Variants in ZC3H13 observed in about 807,000 individuals in gnomAD.
ZC3H13 encodes the protein zinc finger CCCH domain-containing protein 13.
Under a neutral mutation model 204.1 loss-of-function variants are expected in ZC3H13, and 64 were observed. The ratio of observed to expected loss-of-function variants is 0.31; its 90% CI spans 0.26 to 0.39. The LOEUF is 0.39. Among genes scored for constraint, ZC3H13 ranks in the 10% least tolerant of loss-of-function variants. The pLI is 1.00. For synonymous variants in ZC3H13, 667 were observed against 693.7 expected (o/e 0.96, Z 0.60); for missense variants, 1,833 against 2,082.7 (o/e 0.88, Z 2.33).
intron 3 of ZC3H13, 41 bp from the exon 4 acceptor site, chr13:46,042,316 AAAC>A: frequency 7.2e-7 from 1 of 1,390,882 alleles, no homozygotes; most frequent in Non-Finnish European, 1.0e-6. Context: ...AAACGAAACA[AAAC>A]AACAAAAATC....
At chr13:46,049,160 A>G (rs939941973) in intron 1 of ZC3H13, among the ~76,000 whole-genome samples, 1 of 151,972 alleles carries the variant, frequency 6.6e-6, no homozygotes, top group African/African-American at 2.4e-5. Flanking sequence ...CAAAAAAAAA[A>G]AAAAAAAAGA....
chr13:46,026,304 C>T (rs2042541256), intron 4 of ZC3H13, among the ~76,000 whole-genome samples: 1 of 151,976 alleles, frequency 6.6e-6, no homozygotes. Flanking sequence ...ACTTCTGTAT[C>T]TATGTACCTA....
intron 4 of ZC3H13, among the ~76,000 whole-genome samples, chr13:46,039,978 A>C (rs1284346708): frequency 6.6e-6 from 1 of 152,096 alleles, no homozygotes; most frequent in Non-Finnish European, 1.5e-5. Flanking sequence ...CCGCTGAGGC[A>C]TCTGTTATTC....
chr13:46,002,923 C>T (rs1166603100), intron 8 of ZC3H13, among the ~76,000 whole-genome samples: 1 of 151,674 alleles, frequency 6.6e-6, no homozygotes. Flanking sequence ...TTTTTTACCA[C>T]AATAAAAAAT....
At chr13:45,998,643 C>T (rs879047399) in intron 8 of ZC3H13, among the ~76,000 whole-genome samples, 1 of 149,814 alleles carries the variant, frequency 6.7e-6, no homozygotes, top group South Asian at 2.1e-4. Flanking sequence ...AGCGAAACTC[C>T]GTCTCAAAAA....
rs1379425145 is a variant in ZC3H13, at chr13:45,955,684, T to C, written c.*1443A>G. On this transcript the variant is annotated 3_prime_UTR_variant, in exon 19 of 19. Coordinates refer to ENST00000679008, the MANE Select transcript of ZC3H13 (RefSeq NM_001330564.2). The stretch of plus-strand genomic sequence containing the variant: ...TCTGAGGTCATACATTTTTTTTTTC[T>C]TTATTCAAAACACTTAGTAAAGGAA... 2 of 152,222 alleles carry C rather than the reference T, an allele frequency of 1.3e-5. No homozygotes were observed. Among genetic ancestry groups the C allele is most frequent in the East Asian group, 3.9e-4 (2 of 5,188 alleles). 9.4% of individuals were successfully genotyped at this position (152,222 alleles called of 1,614,324 possible). A position where few individuals can be genotyped will look rare whatever the true frequency, so the allele number is the denominator to read the frequency against.
At position 45,967,815 on chromosome 13, in the gene ZC3H13, C is replaced by T. The variant is rs765629152; in HGVS notation, c.4010G>A (p.Arg1337Gln). ...TCGTTCTCGTTCTCGCAATCTATCT[C>T]GATCCCTGTTGCGTGGCCAATCTTT... The part of the protein sequence containing the change: ...ADKDWPRNRD[R>Q]DRLRERERER... The change falls in exon 15 of 19, where the codon CGA (arginine) becomes CAA (glutamine). Residue 1337 changes from arginine (R) to glutamine (Q), a missense_variant. By Grantham distance (43) the Arg-to-Gln change is conservative. Transcript: ENST00000679008. The T allele has an allele frequency of 1.3e-5, 21 of 1,613,260 alleles. No individual in the cohort carries two copies. In the Admixed American group the frequency reaches 1.5e-4, roughly 12 times the overall value.
chr13:45,973,564 C>T (rs1952765503), intron 12 of ZC3H13, among the ~76,000 whole-genome samples: 1 of 152,122 alleles, frequency 6.6e-6, no homozygotes, highest in Non-Finnish European at 1.5e-5. Flanking sequence ...GTTGTGCATC[C>T]TTCATGTGAA....
At chr13:46,030,246 C>G (rs558118112) in intron 4 of ZC3H13, among the ~76,000 whole-genome samples, 138 of 152,288 alleles carry the variant, frequency 9.1e-4, no homozygotes, top group African/African-American at 3.3e-3. Flanking sequence ...TAAAGATCAT[C>G]TACAAAAAAC....
chr13:45,978,013 C>A (rs1953208093), intron 11 of ZC3H13, among the ~76,000 whole-genome samples: 1 of 152,062 alleles, frequency 6.6e-6, no homozygotes, highest in Non-Finnish European at 1.5e-5. Context: ...TACTCCAAAG[C>A]ACATGTTTCT....
In ZC3H13 at chr13:45,975,619, C is replaced by T. The variant is rs769982957; in HGVS notation, c.2132G>A (p.Arg711His). The change falls in exon 12 of 19, where the codon CGT (arginine) becomes CAT (histidine). Residue 711 changes from arginine (R) to histidine (H), a missense_variant. Physicochemically the swap from Arg to His is conservative, Grantham distance 29 (BLOSUM62 0). Around this residue, in one of 5 missense-constraint regions of ZC3H13, gnomAD observed 1,574 missense variants for 1,757.2 expected, o/e 0.90. Coordinates refer to ENST00000679008, the MANE Select transcript of ZC3H13 (RefSeq NM_001330564.2). The stretch of plus-strand genomic sequence containing the variant: ...TCTTTCTCTCTCCCGTTCCCTAGCA[C>T]GCTCTCTTTCTAGTTCTCTCTCTTT... Reference protein sequence around the residue: ...REKERELERERAREREREREK... With the variant: ...REKERELEREHAREREREREK... 32 of 1,574,672 alleles carry T rather than the reference C, an allele frequency of 2.0e-5. No individual in the cohort carries two copies. Among genetic ancestry groups the T allele is most frequent in the African/African-American group, 1.2e-4 (9 of 73,588 alleles).
intron 8 of ZC3H13, among the ~76,000 whole-genome samples, chr13:45,998,854 A>G (rs1158030185): frequency 6.6e-6 from 1 of 152,112 alleles, no homozygotes. Context: ...ACAATGATGA[A>G]GTTTGTCACA....
At position 45,969,204 on chromosome 13, in the gene ZC3H13, T is replaced by C. The variant is rs763071734; in HGVS notation, c.3340A>G (p.Thr1114Ala). Residue 1114 changes from threonine (T) to alanine (A), a missense_variant, in exon 14 of 19, where the codon ACT becomes GCT. Thr to Ala is a moderately conservative substitution (Grantham distance 58). This residue lies in a region of ZC3H13 where 1,574 missense variants were observed against 1,757.2 expected (regional missense o/e 0.90). Coordinates refer to ENST00000679008, the MANE Select transcript of ZC3H13 (RefSeq NM_001330564.2). The stretch of plus-strand genomic sequence containing the variant: ...GTGGCAGCAAGAGTTGCAGGCACAG[T>C]TGTAGCAGTGGCAGTAGCCACAGGC... ...PPPVATATAT[T>A]VPATLAATTA... 35 of 1,613,766 alleles carry C rather than the reference T, an allele frequency of 2.2e-5. No homozygotes were observed. Among genetic ancestry groups the C allele is most frequent in the Admixed American group, 1.2e-4 (7 of 59,970 alleles).
At chr13:45,966,767 GAGA>G (rs1161597754) in intron 15 of ZC3H13, among the ~76,000 whole-genome samples, 3 of 152,314 alleles carry the variant, frequency 2.0e-5, no homozygotes, top group South Asian at 2.1e-4. Context: ...GCCTCGAGCA[GAGA>G]AGGCTTCATC....
rs1449714959 is a variant in ZC3H13 at position 45,955,923 on chromosome 13, A to G, written c.*1204T>C. 1.3e-5 allele frequency: 2 copies of G among 152,172 alleles called. No homozygotes were observed. The highest frequency in any genetic ancestry group is 3.8e-4 in the East Asian group (2 of 5,202). The allele number at this position is 152,172 out of a possible 1,614,324, so 9.4% of individuals were successfully genotyped here. A position where few individuals can be genotyped will look rare whatever the true frequency, so the allele number is the denominator to read the frequency against. Reference sequence around the variant, plus strand: ...CTAACACAAGTAATATGGGCTTACAATTATAACACAAACCTGTGAGAGGGC... The same window carrying G: ...CTAACACAAGTAATATGGGCTTACAGTTATAACACAAACCTGTGAGAGGGC... On this transcript the variant is annotated 3_prime_UTR_variant, in exon 19 of 19. Coordinates refer to ENST00000679008, the MANE Select transcript of ZC3H13 (RefSeq NM_001330564.2).
chr13:46,006,330 T>A (rs2041147792), intron 7 of ZC3H13, among the ~76,000 whole-genome samples: 1 of 151,810 alleles, frequency 6.6e-6, no homozygotes, highest in African/African-American at 2.4e-5. Context: ...GATTGATTAA[T>A]AAAACTCCAG....
chr13:46,009,440 T>C (rs901560496), intron 7 of ZC3H13, among the ~76,000 whole-genome samples: 4 of 152,072 alleles, frequency 2.6e-5, no homozygotes, highest in East Asian at 3.8e-4. Flanking sequence ...CTACATAAAG[T>C]CAATATAGTT....
At chr13:45,992,475 T>C (rs935406600) in intron 8 of ZC3H13, among the ~76,000 whole-genome samples, 17 of 152,242 alleles carry the variant, frequency 1.1e-4, no homozygotes, top group African/African-American at 4.1e-4. Context: ...TTGAATGTCA[T>C]GGTTAATTTT....
At chr13:46,015,093 A>G (rs982752997) in intron 5 of ZC3H13, among the ~76,000 whole-genome samples, 1 of 152,170 alleles carries the variant, frequency 6.6e-6, no homozygotes, top group Non-Finnish European at 1.5e-5. Flanking sequence ...TAGACTGAAA[A>G]TAAGTATAAT....
Sources: allele counts gnomAD v4.1 joint callset (sites outside exome capture counted in the v4.1 genomes callset), GRCh38; gene constraint gnomAD v4.1.1; regional missense constraint gnomAD v4.1.1; transcripts MANE v1.5; gene names NCBI Gene and HGNC (gene_info 2026-07-23, HGNC 2026-07-21).